EPB41L4B: variants seen among roughly 807,000 people sequenced by gnomAD.
The protein encoded by EPB41L4B is band 4.1-like protein 4B.
A neutral mutation model predicts 112.5 loss-of-function variants in EPB41L4B; 30 were observed. The ratio of observed to expected loss-of-function variants is 0.27; its 90% CI spans 0.20 to 0.36. EPB41L4B has a LOEUF of 0.36. Among genes scored for constraint, EPB41L4B ranks in the 10% least tolerant of loss-of-function variants. The pLI is 1.00. For missense variants in EPB41L4B, 1,024 were observed against 1,133.3 expected (o/e 0.90, Z 1.38); for synonymous variants, 408 against 439.7 (o/e 0.93, Z 0.90).
intron 23 of EPB41L4B, among the ~76,000 whole-genome samples, chr9:109,184,912 A>T (rs1268999810): frequency 6.6e-6 from 1 of 152,280 alleles, no homozygotes; most frequent in Non-Finnish European, 1.5e-5. Context: ...AACAAGAACA[A>T]GCTAGAAACA....
At chr9:109,197,829 A>AC (rs890833622) in intron 20 of EPB41L4B, among the ~76,000 whole-genome samples, 16 of 151,694 alleles carry the variant, frequency 1.1e-4, no homozygotes, top group Admixed American at 2.6e-4. Flanking sequence ...CAAAAAAAAA[A>AC]AAAAACAAAA....
intron 1 of EPB41L4B, among the ~76,000 whole-genome samples, chr9:109,312,168 G>A (rs1394189359): frequency 1.3e-5 from 2 of 152,170 alleles, no homozygotes; most frequent in Non-Finnish European, 2.9e-5. Flanking sequence ...ATGTTTTAAA[G>A]GATATACACC....
intron 15 of EPB41L4B, among the ~76,000 whole-genome samples, chr9:109,223,815 T>C (rs1251527181): frequency 1.3e-5 from 2 of 152,148 alleles, no homozygotes; most frequent in African/African-American, 4.8e-5. Context: ...GGTCAGGAGT[T>C]TGAGACCAGC....
intron 15 of EPB41L4B, chr9:109,240,733 A>T: frequency 2.0e-6 from 2 of 985,438 alleles, no homozygotes; most frequent in Non-Finnish European, 2.4e-6. Flanking sequence ...CTTTCATTTG[A>T]GCCATAAATG....
intron 14 of EPB41L4B, among the ~76,000 whole-genome samples, chr9:109,245,669 A>G (rs1422127447): frequency 6.6e-6 from 1 of 152,194 alleles, no homozygotes; most frequent in Non-Finnish European, 1.5e-5. Context: ...CTGACCTTGC[A>G]GTGCTTGAAA....
chr9:109,182,628 T>A, intron 24 of EPB41L4B, 101 bp downstream of exon 24: 1 of 843,598 alleles, frequency 1.2e-6, no homozygotes, highest in Non-Finnish European at 2.0e-6. Context: ...TCAACGGTGA[T>A]CAAAAGAAGC....
At chr9:109,276,433 C>G (rs532481775) in intron 2 of EPB41L4B, among the ~76,000 whole-genome samples, 1 of 152,242 alleles carries the variant, frequency 6.6e-6, no homozygotes, top group South Asian at 2.1e-4. Flanking sequence ...AAGACCCAGA[C>G]TGTAAGGAGT....
chr9:109,202,035 A>G (rs1356980069), intron 19 of EPB41L4B, among the ~76,000 whole-genome samples: 1 of 152,124 alleles, frequency 6.6e-6, no homozygotes, highest in Non-Finnish European at 1.5e-5. Flanking sequence ...GGAAAAGAGG[A>G]TGGATGTGGA....
intron 9 of EPB41L4B, 49 bp from the exon 10 acceptor site, chr9:109,255,892 C>G: frequency 6.6e-7 from 1 of 1,516,054 alleles, no homozygotes; most frequent in South Asian, 1.2e-5. Context: ...GTAAAACTAT[C>G]TACACATCAA....
At chr9:109,248,653 C>T (rs992667919) in intron 13 of EPB41L4B, among the ~76,000 whole-genome samples, 1 of 152,054 alleles carries the variant, frequency 6.6e-6, no homozygotes, top group Non-Finnish European at 1.5e-5. Context: ...ACATGTTGCC[C>T]GGGCTGGTCC....
intron 4 of EPB41L4B, among the ~76,000 whole-genome samples, chr9:109,265,988 C>A (rs889102233): frequency 1.3e-5 from 2 of 152,204 alleles, no homozygotes; most frequent in Non-Finnish European, 2.9e-5. Context: ...TCAAGGAGAT[C>A]GGGCGTGCTG....
At chr9:109,296,073 T>C (rs535809239) in intron 1 of EPB41L4B, among the ~76,000 whole-genome samples, 1 of 152,290 alleles carries the variant, frequency 6.6e-6, no homozygotes, top group South Asian at 2.1e-4. Flanking sequence ...TCCCCCTCCA[T>C]GCAATTCTGA....
chr9:109,306,351 C>T (rs1364061516), intron 1 of EPB41L4B, among the ~76,000 whole-genome samples: 2 of 152,328 alleles, frequency 1.3e-5, no homozygotes, highest in Non-Finnish European at 2.9e-5. Flanking sequence ...GTGGCTCACG[C>T]CTGTAACCCC....
Position 109,291,697 on chromosome 9 carries a change from C to T in EPB41L4B, c.307-11776G>A, listed in dbSNP as rs560324621. ...GAACAATCTTAGAAGAAAGTGACTG[C>T]CTGTCATCTTGGTGTGCGAGTCCGT... On this transcript the variant is annotated intron_variant, in intron 1 of 25. Coordinates refer to ENST00000374566, the MANE Select transcript of EPB41L4B (RefSeq NM_019114.5). Among the ~76,000 whole-genome samples the T allele has an allele frequency of 4.2e-4, 64 of 152,142 alleles. 1 individual carries two copies. The highest frequency in any genetic ancestry group is 7.9e-4 in the Admixed American group (12 of 15,276).
intron 25 of EPB41L4B, among the ~76,000 whole-genome samples, chr9:109,175,175 C>G (rs756174927): frequency 6.6e-6 from 1 of 151,806 alleles, no homozygotes; most frequent in Non-Finnish European, 1.5e-5. Context: ...CCTCGACCTC[C>G]CAAAGTGCTA....
At position 109,312,378 on chromosome 9, in the gene EPB41L4B, G is replaced by A. The variant is rs928224435; in HGVS notation, c.306+7763C>T. Among the ~76,000 whole-genome samples, 3 of 152,106 alleles carry A rather than the reference G, an allele frequency of 2.0e-5. No individual in the cohort carries two copies. In the East Asian group the frequency reaches 5.8e-4, roughly 29 times the overall value. On this transcript the variant is annotated intron_variant, in intron 1 of 25. Transcript: ENST00000374566. ...ATGGCCATCAAACCATTATGCACTC[G>A]AGTGAAATGACATTCAATGAGTCTA... is the stretch of plus-strand genomic sequence containing the variant.
At chr9:109,205,455 T>C (rs1483089506) in intron 18 of EPB41L4B, among the ~76,000 whole-genome samples, 1 of 152,248 alleles carries the variant, frequency 6.6e-6, no homozygotes, top group African/African-American at 2.4e-5. Context: ...TACAACTTTC[T>C]AATGTAGATA....
intron 2 of EPB41L4B, among the ~76,000 whole-genome samples, chr9:109,276,791 A>G (rs1196863708): frequency 6.6e-6 from 1 of 152,202 alleles, no homozygotes; most frequent in African/African-American, 2.4e-5. Context: ...GTGGCTAATG[A>G]GGGGTCACTT....
chr9:109,201,836 T>C (rs1193113782), intron 19 of EPB41L4B, among the ~76,000 whole-genome samples: 1 of 152,190 alleles, frequency 6.6e-6, no homozygotes, highest in Non-Finnish European at 1.5e-5. Flanking sequence ...CTGAGGAGTC[T>C]ACACTGAAGG....
Sources: allele counts gnomAD v4.1 joint callset (sites outside exome capture counted in the v4.1 genomes callset), GRCh38; gene constraint gnomAD v4.1.1; transcripts MANE v1.5; gene names NCBI Gene and HGNC (gene_info 2026-07-23, HGNC 2026-07-21).